CSNK2A1: variants seen among roughly 807,000 people sequenced by gnomAD.
The protein encoded by CSNK2A1 is casein kinase 2 alpha 1.
In CSNK2A1, 10 loss-of-function variants were observed where a neutral mutation model predicts 62.9. That is an observed-to-expected ratio of 0.16 (90% confidence interval 0.10 to 0.27). CSNK2A1 has a LOEUF of 0.27. Among genes scored for constraint, CSNK2A1 ranks in the 10% least tolerant of loss-of-function variants. The probability of loss-of-function intolerance (pLI) is 1.00; values close to 1 mark genes in which losing one functional copy is unlikely to be tolerated. For synonymous variants in CSNK2A1, 124 were observed against 167.8 expected, an observed-to-expected ratio of 0.74 and a Z score of 2.02; for missense variants, 160 against 492.0, an observed-to-expected ratio of 0.33 and a Z score of 6.38.
At chr20:501,625 C>G (rs962756299) in intron 4 of CSNK2A1, 1 of 152,172 alleles carries the variant, frequency 6.6e-6, no homozygotes, top group African/African-American at 2.4e-5. Context: ...TTCAGCCCAG[C>G]CATATTTCAA....
At chr20:521,451 T>C (rs2018943974) in intron 2 of CSNK2A1, among the ~76,000 whole-genome samples, 1 of 152,210 alleles carries the variant, frequency 6.6e-6, no homozygotes, top group African/African-American at 2.4e-5. Context: ...CAGTAACTAA[T>C]ACATTCCTGG....
chr20:543,256 G>A (rs530145902), intron 1 of CSNK2A1: 1 of 153,576 alleles, frequency 6.5e-6, no homozygotes, highest in South Asian at 2.1e-4. Context: ...TTTCGCGGGA[G>A]GGTTCACTGC....
intron 7 of CSNK2A1, chr20:496,110 T>C (rs1484254527): frequency 3.6e-6 from 1 of 277,768 alleles, no homozygotes; most frequent in Non-Finnish European, 7.0e-6. Context: ...TCCTAGATTA[T>C]TTCCACAGAC....
At chr20:523,788 G>C (rs992093851) in intron 2 of CSNK2A1, among the ~76,000 whole-genome samples, 2 of 149,870 alleles carry the variant, frequency 1.3e-5, no homozygotes, top group Non-Finnish European at 3.0e-5. Context: ...CTACTCGGGA[G>C]GCTGAGCTTG....
chr20:475,744 G>A lies in CSNK2A1; in HGVS notation c.*8217C>T, dbSNP rs1207401544. 3 of 152,258 alleles carry A rather than the reference G, an allele frequency of 2.0e-5. No homozygotes were observed. The highest frequency in any genetic ancestry group is 2.1e-4 in the South Asian group (1 of 4,832). 9.4% of individuals were successfully genotyped at this position (152,258 alleles called of 1,614,324 possible). On this transcript the variant is annotated 3_prime_UTR_variant, in exon 14 of 14. Transcript: ENST00000217244. ...TCGCCAATGGGATGATGGTGCTTGT[G>A]ACACAGCAGAGGCTTGAAATGTGCT...
rs2019504677 is a variant in CSNK2A1 at position 543,713 on chromosome 20, G to C, written c.-268C>G. On this transcript the variant is annotated 5_prime_UTR_variant, in exon 1 of 14. Coordinates refer to ENST00000217244, the MANE Select transcript of CSNK2A1 (RefSeq NM_177559.3). ...AGCGGCGGCGGCCGCTCTCCCCTCT[G>C]CTCACACAGACAATATGGCGGCGAT... 1 of 398,318 alleles carries C rather than the reference G, an allele frequency of 2.5e-6. No individual in the cohort carries two copies. Among genetic ancestry groups the C allele is most frequent in the African/African-American group, 2.1e-5 (1 of 48,638 alleles). The allele number at this position is 398,318 out of a possible 1,614,324, so 24.7% of individuals were successfully genotyped here. A position where few individuals can be genotyped will look rare whatever the true frequency, so the allele number is the denominator to read the frequency against.
At chr20:489,647 G>A (rs2018175093) in intron 10 of CSNK2A1, 133 bp downstream of exon 10, 1 of 590,918 alleles carries the variant, frequency 1.7e-6, no homozygotes, top group East Asian at 3.0e-5. Flanking sequence ...AGGCTAAGCT[G>A]GTAGCTCCCG....
rs205879 is a variant in CSNK2A1, at chr20:523,010, T to C, written c.-110+4923A>G. The stretch of plus-strand genomic sequence containing the variant: ...TAGTGTTGATGACATATCACGGTTA[T>C]GGCAAGATGTGAACATTAGGATATA... On this transcript the variant is annotated intron_variant, in intron 2 of 13. Coordinates refer to ENST00000217244, the MANE Select transcript of CSNK2A1 (RefSeq NM_177559.3). Among the ~76,000 whole-genome samples the C allele has an allele frequency of 7.7e-3, 1,177 of 152,302 alleles. 13 individuals are homozygous for C. Among genetic ancestry groups the C allele is most frequent in the African/African-American group, 0.027 (1,111 of 41,570 alleles).
chr20:504,739 GT>G, intron 4 of CSNK2A1: 1 of 190,654 alleles, frequency 5.2e-6, no homozygotes, highest in Non-Finnish European at 1.1e-5. Flanking sequence ...TCATCTGTCT[GT>G]CCCCCTCGAG....
At chr20:512,535 G>T (rs1331020164) in intron 2 of CSNK2A1, among the ~76,000 whole-genome samples, 6 of 152,060 alleles carry the variant, frequency 3.9e-5, no homozygotes, top group Non-Finnish European at 8.8e-5. Flanking sequence ...CCATGGTGTC[G>T]GCAGCTAAAG....
intron 1 of CSNK2A1, among the ~76,000 whole-genome samples, chr20:530,218 T>C (rs2019185195): frequency 1.3e-5 from 2 of 152,218 alleles, no homozygotes; most frequent in Non-Finnish European, 2.9e-5. Context: ...TGTATTTGCC[T>C]ATTATGGACA....
intron 1 of CSNK2A1, among the ~76,000 whole-genome samples, chr20:535,201 T>G (rs1322883304): frequency 2.6e-5 from 4 of 151,106 alleles, no homozygotes; most frequent in Non-Finnish European, 5.9e-5. Flanking sequence ...ACAAAAAAAA[T>G]TAACAACTAC....
intron 2 of CSNK2A1, among the ~76,000 whole-genome samples, chr20:525,650 C>CAAAAAAAAA (rs59103809): frequency 3.3e-5 from 2 of 61,020 alleles, no homozygotes; most frequent in Non-Finnish European, 7.0e-5. Context: ...GACTCCATCT[C>CAAAAAAAAA]AAAAAAAAAA....
intron 2 of CSNK2A1, among the ~76,000 whole-genome samples, chr20:517,433 T>C (rs191152294): frequency 6.6e-6 from 1 of 152,348 alleles, no homozygotes. Flanking sequence ...CTGGAGAAAG[T>C]ATCTCTGCCC....
intron 2 of CSNK2A1, among the ~76,000 whole-genome samples, chr20:524,058 C>T (rs2019012068): frequency 6.6e-6 from 1 of 151,372 alleles, no homozygotes; most frequent in Non-Finnish European, 1.5e-5. Flanking sequence ...AAAAAGGAGT[C>T]AATTTTACTG....
chr20:527,687 C>G (rs1176077508), intron 2 of CSNK2A1, among the ~76,000 whole-genome samples: 1 of 152,084 alleles, frequency 6.6e-6, no homozygotes, highest in Non-Finnish European at 1.5e-5. Context: ...ATTATGAATT[C>G]AAGTACTTGG....
intron 1 of CSNK2A1, among the ~76,000 whole-genome samples, chr20:532,557 T>A (rs2019235549): frequency 1.3e-5 from 2 of 152,124 alleles, no homozygotes; most frequent in African/African-American, 4.8e-5. Context: ...TCTGAGGTCA[T>A]TAGTTTGGAT....
At chr20:490,858 T>A (rs911590350) in intron 9 of CSNK2A1, among the ~76,000 whole-genome samples, 1 of 147,206 alleles carries the variant, frequency 6.8e-6, no homozygotes, top group African/African-American at 2.5e-5. Context: ...TCAGCTAATA[T>A]ACATACTATT....
chr20:512,006 G>A (rs1322900170), intron 2 of CSNK2A1, among the ~76,000 whole-genome samples: 2 of 152,096 alleles, frequency 1.3e-5, no homozygotes, highest in Non-Finnish European at 2.9e-5. Context: ...CAGGAACAGT[G>A]CAAAGGCTAC....
Sources: gnomAD v4.1 joint callset for allele counts (sites outside exome capture counted in the v4.1 genomes callset) on GRCh38, gnomAD v4.1.1 for gene constraint, MANE v1.5 for transcripts, NCBI Gene and HGNC (gene_info 2026-07-23, HGNC 2026-07-21) for gene names.